IGSF21: variants seen among roughly 807,000 people sequenced by gnomAD.
IGSF21 encodes the protein immunoglobulin superfamily member 21.
Under a neutral mutation model 46.8 loss-of-function variants are expected in IGSF21, and 28 were observed. The ratio of observed to expected loss-of-function variants is 0.60; its 90% CI spans 0.44 to 0.82. IGSF21 has a LOEUF of 0.82. Among genes scored for constraint, IGSF21 ranks in the 40% least tolerant of loss-of-function variants. The pLI, the probability that IGSF21 is intolerant of heterozygous loss-of-function variation, is 0.00. For synonymous variants in IGSF21, 284 were observed against 273.6 expected, an observed-to-expected ratio of 1.04 and a Z score of -0.38; for missense variants, 624 against 665.5, an observed-to-expected ratio of 0.94 and a Z score of 0.69.
chr1:18,307,922 ATGCTTATTC>A (rs1447873823), intron 3 of IGSF21, among the ~76,000 whole-genome samples: 1 of 152,170 alleles, frequency 6.6e-6, no homozygotes, highest in Non-Finnish European at 1.5e-5. Flanking sequence ...CAGAACTTAC[ATGCTTATTC>A]TCCTGGATGG....
chr1:18,154,356 C>G lies in IGSF21; in HGVS notation c.70+46158C>G, dbSNP rs144719975. Among the ~76,000 whole-genome samples the G allele has an allele frequency of 3.5e-3, 537 of 152,082 alleles. 5 individuals are homozygous for G. The highest frequency in any genetic ancestry group is 0.012 in the African/African-American group (513 of 41,498). On this transcript the variant is annotated intron_variant, in intron 1 of 9. Coordinates refer to ENST00000251296, the MANE Select transcript of IGSF21 (RefSeq NM_032880.5). ...CCATTTTACATCTTTTTTTTCAGCC[C>G]TCTTTCCTATATCAAAACTTCCCCA...
At chr1:18,304,096 C>T (rs754810984) in intron 3 of IGSF21, among the ~76,000 whole-genome samples, 3 of 152,008 alleles carry the variant, frequency 2.0e-5, no homozygotes, top group Admixed American at 2.0e-4. Context: ...TGGCAGCACT[C>T]GCTGATGGGC....
chr1:18,365,427 G>A lies in IGSF21; in HGVS notation c.745G>A (p.Gly249Ser). The change falls in exon 6 of 10, where the codon GGC (glycine) becomes AGC (serine). Residue 249 changes from glycine (G) to serine (S), a missense_variant. Coordinates refer to ENST00000251296, the MANE Select transcript of IGSF21 (RefSeq NM_032880.5). This position sits in a 1 kb window ranked among gnomAD's most constrained non-coding sequence, Gnocchi z 4.8. ...GRPYTERPSR[G>S]LTPDPNILLQ... Reference sequence around the variant, plus strand: ...ACCCTACACGGAGCGCCCCTCCCGTGGCCTGACCCCAGATCCCAACATCCT... The same window carrying A: ...ACCCTACACGGAGCGCCCCTCCCGTAGCCTGACCCCAGATCCCAACATCCT... 1 of 1,613,876 alleles carries A rather than the reference G, an allele frequency of 6.2e-7. No individual in the cohort carries two copies. The highest frequency in any genetic ancestry group is 8.5e-7 in the Non-Finnish European group (1 of 1,179,980).
Position 18,228,037 on chromosome 1 carries a change from T to C in IGSF21, c.183+27T>C, listed in dbSNP as rs751976484. The C allele has an allele frequency of 1.5e-5, 23 of 1,554,346 alleles. 1 individual carries two copies. In the Admixed American group the frequency reaches 3.3e-4, roughly 23 times the overall value. ...TAAGTCACTACTACTGCCCCCTTCA[T>C]GCCCATGGCCAGGACTGGTGTGAGG... is the stretch of plus-strand genomic sequence containing the variant. On this transcript the variant is annotated intron_variant, in intron 2 of 9. Coordinates refer to ENST00000251296, the MANE Select transcript of IGSF21 (RefSeq NM_032880.5).
intron 1 of IGSF21, among the ~76,000 whole-genome samples, chr1:18,173,793 G>A (rs1473315762): frequency 6.6e-6 from 1 of 152,160 alleles, no homozygotes. Context: ...TCACTCTATC[G>A]CCCAGGCTGG....
intron 4 of IGSF21, among the ~76,000 whole-genome samples, chr1:18,347,013 C>T (rs1273439328): frequency 1.3e-5 from 2 of 152,200 alleles, no homozygotes; most frequent in Non-Finnish European, 2.9e-5. Context: ...CGGCTGAGCG[C>T]CAGTTGAGAG....
At chr1:18,258,553 C>A (rs953111571) in intron 2 of IGSF21, among the ~76,000 whole-genome samples, 3 of 152,184 alleles carry the variant, frequency 2.0e-5, no homozygotes, top group Non-Finnish European at 4.4e-5. Context: ...GTCTGAGCCT[C>A]AGTTTCCTTG....
chr1:18,140,782 C>G (rs1180734114), intron 1 of IGSF21, among the ~76,000 whole-genome samples: 1 of 152,186 alleles, frequency 6.6e-6, no homozygotes, highest in African/African-American at 2.4e-5. Flanking sequence ...TCCACATAGG[C>G]TCCTTCCACT....
intron 6 of IGSF21, among the ~76,000 whole-genome samples, chr1:18,366,341 G>A (rs954651225): frequency 2.6e-5 from 4 of 152,068 alleles, no homozygotes; most frequent in East Asian, 1.9e-4. Flanking sequence ...ATAGGTCAGC[G>A]TGAAGACCAG....
intron 1 of IGSF21, among the ~76,000 whole-genome samples, chr1:18,129,886 C>A (rs1269931706): frequency 6.6e-6 from 1 of 152,172 alleles, no homozygotes; most frequent in Non-Finnish European, 1.5e-5. Flanking sequence ...TCTTGCCCTT[C>A]CGCGCGCCTT....
At chr1:18,128,329 C>T (rs1276037254) in intron 1 of IGSF21, among the ~76,000 whole-genome samples, 1 of 152,066 alleles carries the variant, frequency 6.6e-6, no homozygotes, top group Non-Finnish European at 1.5e-5. Flanking sequence ...ATTGGGTGGT[C>T]AAGGAAGGCT....
chr1:18,249,135 T>C (rs1243511165), intron 2 of IGSF21, among the ~76,000 whole-genome samples: 1 of 152,182 alleles, frequency 6.6e-6, no homozygotes, highest in African/African-American at 2.4e-5. Context: ...AGATCAGGTA[T>C]TCACCTTGGT....
chr1:18,259,034 A>G (rs2084916973), intron 2 of IGSF21, among the ~76,000 whole-genome samples: 1 of 152,202 alleles, frequency 6.6e-6, no homozygotes, highest in Non-Finnish European at 1.5e-5. Context: ...CAGGCAAAAC[A>G]CAAATACATA....
In IGSF21 at chr1:18,182,776, G is replaced by T. The variant is rs148470445; in HGVS notation, c.71-45122G>T. Among the ~76,000 whole-genome samples, 1,078 of 152,296 alleles carry T rather than the reference G, an allele frequency of 7.1e-3. 14 individuals are homozygous for T. The highest frequency in any genetic ancestry group is 0.023 in the African/African-American group (970 of 41,568). On this transcript the variant is annotated intron_variant, in intron 1 of 9. Coordinates refer to ENST00000251296, the MANE Select transcript of IGSF21 (RefSeq NM_032880.5). ...TCCCACCCCTCGAGGGGGGTCATCC[G>T]TATAGGGGTGGGAACAGAGCCAAGG...
At chr1:18,211,786 T>C (rs191743257) in intron 1 of IGSF21, among the ~76,000 whole-genome samples, 21 of 152,352 alleles carry the variant, frequency 1.4e-4, no homozygotes, top group African/African-American at 5.0e-4. Context: ...CCATCATCCA[T>C]ATTTTAAATT....
chr1:18,337,144 C>G lies in IGSF21; in HGVS notation c.424+2134C>G, dbSNP rs1209878954. ...GACCATCCTACACTCCCTCCCAGCT[C>G]TGACACTTCTGAGTCCCTTACTCCA... On this transcript the variant is annotated intron_variant, in intron 4 of 9. Transcript: ENST00000251296. This position sits in a 1 kb window ranked among gnomAD's most constrained non-coding sequence, Gnocchi z 5.7. Among the ~76,000 whole-genome samples the G allele has an allele frequency of 6.6e-6, 1 of 152,166 alleles. No homozygotes were observed. The highest frequency in any genetic ancestry group is 1.5e-5 in the Non-Finnish European group (1 of 68,026).
At chr1:18,324,767 C>T (rs1452354199) in intron 3 of IGSF21, among the ~76,000 whole-genome samples, 1 of 152,124 alleles carries the variant, frequency 6.6e-6, no homozygotes, top group Non-Finnish European at 1.5e-5. Flanking sequence ...TGGCCCCACC[C>T]CTCCCGGAGG....
intron 1 of IGSF21, chr1:18,113,469 G>T (rs558914738): frequency 2.6e-5 from 4 of 152,192 alleles, no homozygotes; most frequent in Non-Finnish European, 5.9e-5. Context: ...TGGCTTGGGG[G>T]TGGGGTTTTT....
intron 1 of IGSF21, among the ~76,000 whole-genome samples, chr1:18,136,241 G>C (rs1345807835): frequency 3.3e-5 from 5 of 152,112 alleles, no homozygotes; most frequent in Non-Finnish European, 7.4e-5. Flanking sequence ...TTCTTTTGCT[G>C]TGCAGAAGCT....
Sources: allele counts gnomAD v4.1 joint callset (sites outside exome capture counted in the v4.1 genomes callset), GRCh38; gene constraint gnomAD v4.1.1; non-coding constraint Gnocchi (gnomAD v3.1); transcripts MANE v1.5; gene names NCBI Gene and HGNC (gene_info 2026-07-23, HGNC 2026-07-21).